ERBB4: variants seen among roughly 807,000 people sequenced by gnomAD.
ERBB4 encodes erb-b2 receptor tyrosine kinase 4.
In ERBB4, 42 loss-of-function variants were observed where a neutral mutation model predicts 158.0. The ratio of observed to expected loss-of-function variants is 0.27; its 90% CI spans 0.21 to 0.34. The LOEUF (loss-of-function observed/expected upper bound fraction) is 0.34, where lower values mean the gene tolerates loss of function less well. Ranked by LOEUF, ERBB4 falls within the 10% of genes least tolerant of loss-of-function variation. ERBB4 has a pLI of 1.00. For synonymous variants in ERBB4, 583 were observed against 558.7 expected, an observed-to-expected ratio of 1.04 and a Z score of -0.61; for missense variants, 1,333 against 1,624.1, an observed-to-expected ratio of 0.82 and a Z score of 3.08.
At chr2:212,225,121 CT>C (rs1019312516) in intron 1 of ERBB4, among the ~76,000 whole-genome samples, 23 of 151,696 alleles carry the variant, frequency 1.5e-4, no homozygotes, top group African/African-American at 5.6e-4. Context: ...CCCCTTTTTC[CT>C]CCTAGGATTT....
chr2:212,393,103 C>G lies in ERBB4; in HGVS notation c.82+145346G>C, dbSNP rs138465064. On this transcript the variant is annotated intron_variant, in intron 1 of 27. Coordinates refer to ENST00000342788, the MANE Select transcript of ERBB4 (RefSeq NM_005235.3). ...CTTTTTTCTACCATTAAATATGCCT[C>G]TCTGCTCTCTCCAAACCTGAACCTA... Among the ~76,000 whole-genome samples, 6 of 152,182 alleles carry G rather than the reference C, an allele frequency of 3.9e-5. No individual in the cohort carries two copies. The East Asian group carries it at 9.7e-4, about 25-fold the overall frequency.
At chr2:211,621,596 G>C (rs544842846) in intron 18 of ERBB4, among the ~76,000 whole-genome samples, 1 of 152,194 alleles carries the variant, frequency 6.6e-6, no homozygotes, top group Non-Finnish European at 1.5e-5. Flanking sequence ...CTCTGCTGAG[G>C]ACATTAGATA....
chr2:212,320,693 A>G (rs10181847), intron 1 of ERBB4, among the ~76,000 whole-genome samples: 18,244 of 149,782 alleles, frequency 0.12, 2,394 homozygotes, highest in African/African-American at 0.29. Flanking sequence ...CAAAGAAGCT[A>G]TCATTCTTAT....
intron 20 of ERBB4, among the ~76,000 whole-genome samples, chr2:211,501,245 A>G (rs1416389618): frequency 1.3e-5 from 2 of 151,946 alleles, no homozygotes; most frequent in Non-Finnish European, 2.9e-5. Context: ...TGGGTACAAA[A>G]ATATATTTAG....
intron 2 of ERBB4, among the ~76,000 whole-genome samples, chr2:211,998,549 A>T (rs943630430): frequency 4.3e-4 from 61 of 141,832 alleles, no homozygotes; most frequent in Non-Finnish European, 8.6e-4. Context: ...AAAAAAAAAG[A>T]AATAATCCCT....
intron 1 of ERBB4, among the ~76,000 whole-genome samples, chr2:212,518,487 T>C (rs1245939370): frequency 1.3e-5 from 2 of 151,998 alleles, no homozygotes; most frequent in African/African-American, 4.8e-5. Context: ...CCTTCAACAT[T>C]TGCATACTTG....
chr2:211,848,901 C>G (rs2077653835), intron 3 of ERBB4, among the ~76,000 whole-genome samples: 1 of 152,058 alleles, frequency 6.6e-6, no homozygotes, highest in African/African-American at 2.4e-5. Context: ...ATTTGTCACT[C>G]CTTATTCTTC....
At chr2:212,062,114 C>T (rs1317728650) in intron 2 of ERBB4, among the ~76,000 whole-genome samples, 1 of 152,126 alleles carries the variant, frequency 6.6e-6, no homozygotes, top group Admixed American at 6.6e-5. Flanking sequence ...TAGATATGCT[C>T]ATTGTGAGTA....
At chr2:212,523,721 T>G (rs894890076) in intron 1 of ERBB4, among the ~76,000 whole-genome samples, 1 of 151,984 alleles carries the variant, frequency 6.6e-6, no homozygotes, top group Non-Finnish European at 1.5e-5. Context: ...TTGGGCACAG[T>G]GTGCTTACGA....
chr2:211,598,514 G>T (rs1442629421), intron 19 of ERBB4, among the ~76,000 whole-genome samples: 2 of 152,106 alleles, frequency 1.3e-5, no homozygotes, highest in Non-Finnish European at 2.9e-5. Context: ...TGTTAAACTG[G>T]GGTATGTTGA....
intron 1 of ERBB4, among the ~76,000 whole-genome samples, chr2:212,187,327 G>T (rs6750637): frequency 6.6e-6 from 1 of 151,748 alleles, no homozygotes; most frequent in Non-Finnish European, 1.5e-5. Context: ...AATGCTAGAG[G>T]ATGAGTTAGT....
intron 3 of ERBB4, among the ~76,000 whole-genome samples, chr2:211,901,801 A>C (rs1365054108): frequency 6.6e-6 from 1 of 152,172 alleles, no homozygotes; most frequent in South Asian, 2.1e-4. Flanking sequence ...GCACTTGATG[A>C]ATAAAGAATG....
intron 1 of ERBB4, among the ~76,000 whole-genome samples, chr2:212,240,907 G>A (rs1049687773): frequency 2.6e-5 from 4 of 151,860 alleles, no homozygotes. Context: ...TCTTGTTATA[G>A]GGTCCTCAAC....
intron 12 of ERBB4, among the ~76,000 whole-genome samples, chr2:211,683,155 A>G (rs769451794): frequency 6.4e-4 from 98 of 152,112 alleles, no homozygotes; most frequent in Middle Eastern, 6.8e-3. Context: ...GTTGTAAGTA[A>G]TGATACAGAG....
At chr2:211,514,621 G>C (rs1369616490) in intron 20 of ERBB4, among the ~76,000 whole-genome samples, 1 of 152,066 alleles carries the variant, frequency 6.6e-6, no homozygotes, top group Non-Finnish European at 1.5e-5. Context: ...TACTATAAAA[G>C]ATGAAGGTGC....
At chr2:211,474,813 G>A (rs1239720627) in intron 20 of ERBB4, among the ~76,000 whole-genome samples, 1 of 152,070 alleles carries the variant, frequency 6.6e-6, no homozygotes, top group Non-Finnish European at 1.5e-5. Flanking sequence ...AGAAGGGAAG[G>A]CAATGGAGGA....
intron 20 of ERBB4, among the ~76,000 whole-genome samples, chr2:211,447,145 T>TA (rs1203377677): frequency 1.3e-5 from 2 of 152,198 alleles, no homozygotes; most frequent in Non-Finnish European, 2.9e-5. Flanking sequence ...TATATTCCTT[T>TA]ACAATTATGA....
chr2:212,150,354 A>G (rs1400275013), intron 1 of ERBB4, among the ~76,000 whole-genome samples: 1 of 152,176 alleles, frequency 6.6e-6, no homozygotes, highest in Non-Finnish European at 1.5e-5. Context: ...TCTTCCTATA[A>G]GGACACCAGT....
chr2:211,397,039 G>C (rs1289122428), intron 25 of ERBB4, among the ~76,000 whole-genome samples: 1 of 152,132 alleles, frequency 6.6e-6, no homozygotes. Context: ...CATCAGCCCA[G>C]AGCAAACACT....
Sources: allele counts gnomAD v4.1 joint callset (sites outside exome capture counted in the v4.1 genomes callset), GRCh38; gene constraint gnomAD v4.1.1; transcripts MANE v1.5; gene names NCBI Gene and HGNC (gene_info 2026-07-23, HGNC 2026-07-21).